The following PCGF5 variants were observed in gnomAD, a reference collection of about 807,000 sequenced individuals.
PCGF5 encodes polycomb group ring finger 5.
In PCGF5, 9 loss-of-function variants were observed where a neutral mutation model predicts 44.3. That is an observed-to-expected ratio of 0.20 (90% CI 0.12 to 0.35). PCGF5 has a LOEUF of 0.35. Ranked by LOEUF, PCGF5 falls within the 10% of genes least tolerant of loss-of-function variation. The pLI, the probability that PCGF5 is intolerant of heterozygous loss-of-function variation, is 1.00. For missense variants in PCGF5, 146 were observed against 305.3 expected, an observed-to-expected ratio of 0.48 and a Z score of 3.89; for synonymous variants, 95 against 102.5, an observed-to-expected ratio of 0.93 and a Z score of 0.44.
chr10:91,216,474 T>C (rs1397083481), upstream of PCGF5, among the ~76,000 whole-genome samples: 1 of 152,140 alleles, frequency 6.6e-6, no homozygotes, highest in East Asian at 1.9e-4. Flanking sequence ...GAAATGGCCT[T>C]ATTAAGTGTT....
chr10:91,213,464 TA>T (rs200756374), intron 1 of PCGF5, among the ~76,000 whole-genome samples: 3 of 141,354 alleles, frequency 2.1e-5, no homozygotes, highest in African/African-American at 7.9e-5. Context: ...TTTATTTCAT[TA>T]AAAAAAATTT....
intron 1 of PCGF5, among the ~76,000 whole-genome samples, chr10:91,170,081 G>T (rs532521896): frequency 1.3e-5 from 2 of 152,120 alleles, no homozygotes; most frequent in South Asian, 4.1e-4. Context: ...TGCAAAAAAA[G>T]AAAAAAGTTA....
At position 91,282,662 on chromosome 10, in the gene PCGF5, G is replaced by T. The variant is rs1846481542; in HGVS notation, c.*4346G>T. On this transcript the variant is annotated 3_prime_UTR_variant, in exon 10 of 10. Coordinates refer to ENST00000336126, the MANE Select transcript of PCGF5 (RefSeq NM_032373.5). ...AACTCATGCTATGGGCTACCTTAAA[G>T]GTAAAACTCATCTTATGGAGTCTTT... is the stretch of plus-strand genomic sequence containing the variant. 1 of 152,508 alleles carries T rather than the reference G, an allele frequency of 6.6e-6. No homozygotes were observed. The highest frequency in any genetic ancestry group is 1.5e-5 in the Non-Finnish European group (1 of 68,040). The allele number at this position is 152,508 out of a possible 1,614,324, so 9.4% of individuals were successfully genotyped here.
At chr10:91,191,092 C>T (rs1478592760) in intron 1 of PCGF5, among the ~76,000 whole-genome samples, 1 of 152,176 alleles carries the variant, frequency 6.6e-6, no homozygotes, top group African/African-American at 2.4e-5. Context: ...ATGGATAATA[C>T]TGAACCCTAT....
At chr10:91,170,356 T>G (rs149653928) in intron 1 of PCGF5, among the ~76,000 whole-genome samples, 1 of 152,312 alleles carries the variant, frequency 6.6e-6, no homozygotes, top group Non-Finnish European at 1.5e-5. Context: ...GGAGAAAATA[T>G]TTGCAAAAGA....
rs145165877 is a variant in PCGF5 at position 91,205,529 on chromosome 10, G to A, written c.-183-17160G>A. Among the ~76,000 whole-genome samples the A allele has an allele frequency of 5.7e-3, 873 of 152,286 alleles. 2 individuals are homozygous for A. Among genetic ancestry groups the A allele is most frequent in the Middle Eastern group, 0.01 (3 of 294 alleles). On this transcript the variant is annotated intron_variant, in intron 1 of 9. Coordinates refer to the PCGF5 transcript ENST00000614189. ...CAATGTTGTAAACATTATAAATGAT[G>A]AGTTTCTCAGGCCAGGCCACACAAG...
intron 1 of PCGF5, among the ~76,000 whole-genome samples, chr10:91,201,206 C>A (rs749824799): frequency 1.3e-5 from 2 of 152,134 alleles, no homozygotes; most frequent in Non-Finnish European, 2.9e-5. Flanking sequence ...GAGGCTGGGA[C>A]ATCCAAGGGT....
At chr10:91,174,532 G>A (rs936633933) in intron 1 of PCGF5, among the ~76,000 whole-genome samples, 2 of 152,132 alleles carry the variant, frequency 1.3e-5, no homozygotes. Context: ...ATTTTTATTT[G>A]TTTGATTATA....
intron 8 of PCGF5, among the ~76,000 whole-genome samples, chr10:91,268,591 C>T (rs1024329812): frequency 6.6e-6 from 1 of 152,156 alleles, no homozygotes; most frequent in African/African-American, 2.4e-5. Flanking sequence ...ATACCACTCT[C>T]TGCCCCGTGG....
At chr10:91,245,918 A>C (rs1016870828) in intron 3 of PCGF5, among the ~76,000 whole-genome samples, 4 of 152,170 alleles carry the variant, frequency 2.6e-5, no homozygotes, top group Admixed American at 6.6e-5. Context: ...TTCCTGGCAA[A>C]CTTAAAGGCA....
chr10:91,161,146 G>T (rs1843374969), upstream of PCGF5, among the ~76,000 whole-genome samples: 1 of 152,228 alleles, frequency 6.6e-6, no homozygotes, highest in South Asian at 2.1e-4. Context: ...GCCCTCCAGG[G>T]TTCCGGCTGT....
intron 8 of PCGF5, among the ~76,000 whole-genome samples, chr10:91,265,683 A>G (rs1846034081): frequency 6.6e-6 from 1 of 152,132 alleles, no homozygotes; most frequent in African/African-American, 2.4e-5. Context: ...AGCCTCAAAA[A>G]CTCATTGTCT....
At chr10:91,164,970 C>G (rs1324342239) in intron 1 of PCGF5, among the ~76,000 whole-genome samples, 1 of 152,208 alleles carries the variant, frequency 6.6e-6, no homozygotes, top group African/African-American at 2.4e-5. Flanking sequence ...TGCTATAACC[C>G]TAGCACCTAG....
rs923339878 is a variant in PCGF5 at position 91,283,119 on chromosome 10, A to C, written c.*4803A>C. 2.0e-5 allele frequency: 3 copies of C among 152,214 alleles called. No individual in the cohort carries two copies. Among genetic ancestry groups the C allele is most frequent in the African/African-American group, 7.2e-5 (3 of 41,468 alleles). 9.4% of individuals were successfully genotyped at this position (152,214 alleles called of 1,614,324 possible). On this transcript the variant is annotated 3_prime_UTR_variant, in exon 10 of 10. Coordinates refer to ENST00000336126, the MANE Select transcript of PCGF5 (RefSeq NM_032373.5). ...TCAAATGTACTTAAATGTACAATAC[A>C]GTGTTCAATAGTTTTTATTGCAGTG...
At chr10:91,262,955 T>C (rs904604396) in intron 7 of PCGF5, among the ~76,000 whole-genome samples, 16 of 152,236 alleles carry the variant, frequency 1.1e-4, no homozygotes, top group Non-Finnish European at 2.4e-4. Context: ...AAAGCTGTTA[T>C]TACTAAGAGA....
chr10:91,156,605 G>A, the PCGF5 span, among the ~76,000 whole-genome samples: 4 of 152,144 alleles, frequency 2.6e-5, no homozygotes, highest in East Asian at 1.9e-4. Flanking sequence ...AACTATGCCC[G>A]AGTCAGAGAT....
At chr10:91,172,581 A>G (rs1843629377) in intron 1 of PCGF5, among the ~76,000 whole-genome samples, 1 of 152,236 alleles carries the variant, frequency 6.6e-6, no homozygotes, top group Non-Finnish European at 1.5e-5. Flanking sequence ...GGTGTCATAT[A>G]AGAAGCCAGG....
At chr10:91,236,536 G>A (rs887483599) in intron 2 of PCGF5, among the ~76,000 whole-genome samples, 3 of 152,176 alleles carry the variant, frequency 2.0e-5, no homozygotes, top group Admixed American at 6.5e-5. Flanking sequence ...CTTAACCTTA[G>A]ACTAGGACCT....
chr10:91,172,371 A>C (rs1281820963), intron 1 of PCGF5, among the ~76,000 whole-genome samples: 2 of 151,904 alleles, frequency 1.3e-5, no homozygotes, highest in Non-Finnish European at 2.9e-5. Context: ...GTAAGCTGGG[A>C]TTGTGCCACT....
Sources: allele counts gnomAD v4.1 joint callset (sites outside exome capture counted in the v4.1 genomes callset), GRCh38; gene constraint gnomAD v4.1.1; transcripts MANE v1.5; gene names NCBI Gene and HGNC (gene_info 2026-07-23, HGNC 2026-07-21).